Variants in GBP4 observed in about 807,000 individuals in gnomAD.
The protein encoded by GBP4 is guanylate binding protein 4.
GBP4 carries 69 observed loss-of-function variants against 62.2 expected under a neutral mutation model. That is an observed-to-expected ratio of 1.11 (90% CI 0.91 to 1.36). The LOEUF (loss-of-function observed/expected upper bound fraction) is 1.36. Ranked by LOEUF, GBP4 falls within the 40% of genes most tolerant of loss-of-function variation. The pLI is 0.00. For missense variants in GBP4, 697 were observed against 759.3 expected, an observed-to-expected ratio of 0.92 and a Z score of 0.96; for synonymous variants, 278 against 274.6, an observed-to-expected ratio of 1.01 and a Z score of -0.12.
intron 10 of GBP4, 103 bp downstream of exon 10, chr1:89,186,230 G>C (rs1648029137): frequency 2.3e-6 from 2 of 858,836 alleles, no homozygotes; most frequent in Admixed American, 2.3e-5. Flanking sequence ...CAACTTTTGT[G>C]TTTCCTTCTG....
chr1:89,187,137 C>T (rs1425447317), intron 8 of GBP4, 35 bp from the exon 9 acceptor site: 2 of 1,551,580 alleles, frequency 1.3e-6, no homozygotes, highest in South Asian at 2.2e-5. Flanking sequence ...ACCTGTCAGG[C>T]AGCAAAGGTC....
intron 10 of GBP4, among the ~76,000 whole-genome samples, chr1:89,185,998 T>C (rs1648024241): frequency 6.6e-6 from 1 of 152,214 alleles, no homozygotes; most frequent in South Asian, 2.1e-4. Flanking sequence ...CTATTTCAGG[T>C]ACTTTAGATG....
intron 4 of GBP4, 60 bp from the exon 5 acceptor site, chr1:89,193,160 A>G (rs1376533684): frequency 1.9e-6 from 3 of 1,577,334 alleles, no homozygotes; most frequent in Non-Finnish European, 2.6e-6. Flanking sequence ...TCTCACTTAG[A>G]AACAAGTTTT....
intron 1 of GBP4, 47 bp from the exon 2 acceptor site, chr1:89,197,351 C>A: frequency 1.3e-6 from 2 of 1,546,892 alleles, no homozygotes; most frequent in South Asian, 1.2e-5. Flanking sequence ...ATCTTGAAGT[C>A]ATCCCTAAGG....
chr1:89,189,953 G>A, intron 7 of GBP4, 85 bp downstream of exon 7: 5 of 1,312,720 alleles, frequency 3.8e-6, no homozygotes, highest in Non-Finnish European at 3.2e-6. Context: ...ACAGTGGTAA[G>A]GAGATGAACC....
In GBP4 at chr1:89,188,494, T is replaced by C. The variant is rs74098348; in HGVS notation, c.1410+88A>G. The C allele has an allele frequency of 2.7e-3, 2,809 of 1,029,122 alleles. 67 individuals carry two copies. In the African/African-American group the frequency reaches 0.039, roughly 14 times the overall value. The allele number at this position is 1,029,122 out of a possible 1,614,324, so 63.7% of individuals were successfully genotyped here. On this transcript the variant is annotated intron_variant, in intron 8 of 10. Transcript: ENST00000355754. ...TCATGTTCTGCTTCCTCTCCACAAA[T>C]GGTGCTATATTCTTAGATTTTCAGA...
chr1:89,188,712 C>A lies in GBP4; in HGVS notation c.1280G>T (p.Arg427Leu), dbSNP rs145187350. 6.2e-7 allele frequency: 1 copy of A among 1,614,084 alleles called. No homozygotes were observed. Residue 427 changes from arginine to leucine, a missense_variant, in exon 8 of 11, where the codon CGG becomes CTG. By Grantham distance (102) the Arg-to-Leu change is moderately radical (BLOSUM62 -2). Around this residue, in one of 2 missense-constraint regions of GBP4, gnomAD observed 556 missense variants for 562.7 expected, o/e 0.99. Coordinates refer to ENST00000355754, the MANE Select transcript of GBP4 (RefSeq NM_052941.5). The part of the protein sequence containing the change: ...SAKYCQAELK[R>L]LSEHLTESIL... Reference sequence around the variant, plus strand: ...GCTTTCTGTCAGGTGCTCTGAAAGCCGCTTAAGCTCAGCCTGGCAATATTT... The same window carrying A: ...GCTTTCTGTCAGGTGCTCTGAAAGCAGCTTAAGCTCAGCCTGGCAATATTT...
At chr1:89,195,246 A>C (rs1378384662) in intron 3 of GBP4, 51 bp downstream of exon 3, 1 of 1,595,730 alleles carries the variant, frequency 6.3e-7, no homozygotes, top group Non-Finnish European at 8.6e-7. Context: ...GGAGCTGAAA[A>C]AATTAAAAGA....
intron 8 of GBP4, among the ~76,000 whole-genome samples, chr1:89,187,323 C>A (rs539707194): frequency 1.3e-3 from 190 of 151,904 alleles, no homozygotes; most frequent in African/African-American, 4.4e-3. Context: ...TCCAGCCTCC[C>A]TCCTGCCTGT....
chr1:89,193,340 C>A lies in GBP4; in HGVS notation c.436G>T (p.Val146Leu), dbSNP rs143368730. 20 of 1,614,034 alleles carry A rather than the reference C, an allele frequency of 1.2e-5. No individual in the cohort carries two copies. Among genetic ancestry groups the A allele is most frequent in the Non-Finnish European group, 1.6e-5 (19 of 1,180,020 alleles). ...AGGGCCTGGTGGTTGATGGTGCTCA[C>A]GCTGTTATAGACAAAGCTGCTGCTT... ...LLSSSFVYNS[V>L]STINHQALEQ... The change falls in exon 4 of 11, where the codon GTG becomes TTG. Residue 146 changes from valine to leucine, a missense_variant. Coordinates refer to ENST00000355754, the MANE Select transcript of GBP4 (RefSeq NM_052941.5).
chr1:89,187,231 T>A, intron 8 of GBP4, 129 bp from the exon 9 acceptor site: 1 of 713,862 alleles, frequency 1.4e-6, no homozygotes, highest in South Asian at 1.8e-5. Context: ...GATCCAGTGG[T>A]TTCTTTTCTT....
intron 9 of GBP4, among the ~76,000 whole-genome samples, 153 bp from the exon 10 acceptor site, chr1:89,186,679 G>A (rs1472890213): frequency 6.6e-6 from 1 of 152,236 alleles, no homozygotes; most frequent in Non-Finnish European, 1.5e-5. Flanking sequence ...GGAAGAGAAT[G>A]TTGAATAATG....
rs760658066 is a variant in GBP4, at chr1:89,195,277, G to A, written c.363+20C>T. On this transcript the variant is annotated intron_variant, in intron 3 of 10. Coordinates refer to ENST00000355754, the MANE Select transcript of GBP4 (RefSeq NM_052941.5). The stretch of plus-strand genomic sequence containing the variant: ...AAAGATGAGAGGTCAACCATGAGCG[G>A]TGAAGTTTCTCTGCCTTACCTTTTC... 2 of 1,612,610 alleles carry A rather than the reference G, an allele frequency of 1.2e-6. No individual in the cohort carries two copies. Among genetic ancestry groups the A allele is most frequent in the South Asian group, 2.2e-5 (2 of 91,010 alleles).
chr1:89,193,413 C>T lies in GBP4; in HGVS notation c.364-1G>A, dbSNP rs752891689. 5 of 1,612,036 alleles carry T rather than the reference C, an allele frequency of 3.1e-6. No homozygotes were observed. In the South Asian group the frequency reaches 5.5e-5, roughly 18 times the overall value. ...TCCACGAGTCATTCTTAGGGTTACT[C>T]TAGAAAGCATATAAAGCAAAAGACT... On this transcript the variant is annotated splice_acceptor_variant, in intron 3 of 10. Coordinates refer to ENST00000355754, the MANE Select transcript of GBP4 (RefSeq NM_052941.5). LOFTEE classifies it high-confidence loss of function.
In GBP4 at chr1:89,188,870, A is replaced by T. The variant is rs903260556; in HGVS notation, c.1198-76T>A. ...GGTCCAACTGTGATCCTCTTGGAAG[A>T]AGTAGTCTGAAGGCCTCAGAGTGGA... On this transcript the variant is annotated intron_variant, in intron 7 of 10. Transcript: ENST00000355754. The T allele has an allele frequency of 7.7e-6, 11 of 1,430,348 alleles. No individual in the cohort carries two copies. In the African/African-American group the frequency reaches 1.3e-4, roughly 17 times the overall value. 88.6% of individuals were successfully genotyped at this position (1,430,348 alleles called of 1,614,324 possible).
In GBP4 at chr1:89,198,792, T is replaced by C; in HGVS notation, c.40+3A>G. ...GAAAGGTAAAGCTTAAGAGCAAACT[T>C]ACCTGGTGTGGGCACTGCAGCGTGA... On this transcript the variant is annotated splice_donor_region_variant and intron_variant, in intron 1 of 10. Transcript: ENST00000355754. The C allele has an allele frequency of 6.2e-7, 1 of 1,613,110 alleles. No individual in the cohort carries two copies. Among genetic ancestry groups the C allele is most frequent in the East Asian group, 2.2e-5 (1 of 44,884 alleles).
chr1:89,191,722 A>T (rs541097535), intron 5 of GBP4, among the ~76,000 whole-genome samples: 2 of 152,232 alleles, frequency 1.3e-5, no homozygotes, highest in Non-Finnish European at 2.9e-5. Context: ...TTGGAGAGGA[A>T]GGGAAGACAT....
chr1:89,189,728 T>C (rs543218845), intron 7 of GBP4, among the ~76,000 whole-genome samples: 2 of 152,220 alleles, frequency 1.3e-5, no homozygotes, highest in Non-Finnish European at 2.9e-5. Context: ...TGACACCTTG[T>C]TTTCAGCCTG....
At chr1:89,194,628 C>A (rs79661354) in intron 3 of GBP4, among the ~76,000 whole-genome samples, 4,507 of 152,208 alleles carry the variant, frequency 0.03, 69 homozygotes, top group Middle Eastern at 0.048. Flanking sequence ...CTGATCGCAC[C>A]TAACACTTTA....
Sources: allele counts gnomAD v4.1 joint callset (sites outside exome capture counted in the v4.1 genomes callset), GRCh38; gene constraint gnomAD v4.1.1; regional missense constraint gnomAD v4.1.1; transcripts MANE v1.5; gene names NCBI Gene and HGNC (gene_info 2026-07-23, HGNC 2026-07-21).